Variants in OR51B5 observed in about 807,000 individuals in gnomAD.
OR51B5 encodes olfactory receptor 51B5.
For missense variants in OR51B5, 456 were observed against 374.6 expected, an observed-to-expected ratio of 1.22 and a Z score of -1.79; for synonymous variants, 186 against 144.8, an observed-to-expected ratio of 1.28 and a Z score of -2.04.
chr11:5,500,651 G>A (rs1431922402), intron 1 of OR51B5, among the ~76,000 whole-genome samples: 2 of 148,134 alleles, frequency 1.4e-5, no homozygotes, highest in East Asian at 2.0e-4. Context: ...CTTGCAAGTA[G>A]CTTTACTAAA....
chr11:5,387,225 A>C (rs571325864), intron 1 of OR51B5, among the ~76,000 whole-genome samples: 2 of 152,286 alleles, frequency 1.3e-5, no homozygotes, highest in African/African-American at 4.8e-5. Context: ...GGCATTAAGA[A>C]TTTCTAGAGA....
At chr11:5,438,702 C>T (rs1340076391) in intron 1 of OR51B5, among the ~76,000 whole-genome samples, 1 of 152,104 alleles carries the variant, frequency 6.6e-6, no homozygotes, top group African/African-American at 2.4e-5. Flanking sequence ...TAATACTAAA[C>T]AAAACATCCA....
Position 5,464,227 on chromosome 11 carries a change from G to C in OR51B5, n.84+41342C>G, listed in dbSNP as rs185082838. Among the ~76,000 whole-genome samples, 606 of 152,270 alleles carry C rather than the reference G, an allele frequency of 4.0e-3. 1 individual carries two copies. The highest frequency in any genetic ancestry group is 7.0e-3 in the Non-Finnish European group (474 of 68,010). ...CTATATTTGAAAAAGCAAATATATT[G>C]TGAACACAAAATGCATTGGGTGATT... On this transcript the variant is annotated intron_variant and non_coding_transcript_variant, in intron 1 of 4. Coordinates refer to the OR51B5 transcript ENST00000415970.
intron 1 of OR51B5, among the ~76,000 whole-genome samples, chr11:5,432,722 A>T (rs898415613): frequency 1.3e-5 from 2 of 152,204 alleles, no homozygotes; most frequent in African/African-American, 4.8e-5. Flanking sequence ...TTAGAGAGAC[A>T]CTAGGACCCA....
intron 1 of OR51B5, among the ~76,000 whole-genome samples, chr11:5,424,121 T>G (rs960648066): frequency 6.6e-6 from 1 of 152,206 alleles, no homozygotes; most frequent in African/African-American, 2.4e-5. Context: ...TCACAGCTTC[T>G]GATTGCTGGA....
chr11:5,475,214 T>C (rs984679582), intron 1 of OR51B5, among the ~76,000 whole-genome samples: 3 of 152,206 alleles, frequency 2.0e-5, no homozygotes, highest in African/African-American at 7.2e-5. Context: ...ACATCAATAT[T>C]AAGTCAACTT....
At chr11:5,402,492 T>C (rs1043826464) in intron 1 of OR51B5, 1 of 360,092 alleles carries the variant, frequency 2.8e-6, no homozygotes, top group African/African-American at 2.1e-5. Context: ...TGCTTTTTTC[T>C]TCCCTTCCCT....
intron 1 of OR51B5, among the ~76,000 whole-genome samples, chr11:5,500,337 G>A (rs191445052): frequency 1.3e-5 from 2 of 152,254 alleles, no homozygotes; most frequent in East Asian, 3.9e-4. Flanking sequence ...AAACTCCTCT[G>A]TTGCATGAGA....
At chr11:5,472,304 A>T (rs1851240585) in intron 1 of OR51B5, among the ~76,000 whole-genome samples, 1 of 152,074 alleles carries the variant, frequency 6.6e-6, no homozygotes, top group South Asian at 2.1e-4. Flanking sequence ...CCTGTACCCT[A>T]ATCACTAAAG....
intron 1 of OR51B5, among the ~76,000 whole-genome samples, chr11:5,378,114 T>TA (rs1849555404): frequency 6.6e-6 from 1 of 151,686 alleles, no homozygotes; most frequent in Non-Finnish European, 1.5e-5. Context: ...AAAACACAGA[T>TA]ATAGATCAAT....
chr11:5,351,566 A>G, intron 1 of OR51B5: 1 of 1,614,082 alleles, frequency 6.2e-7, no homozygotes. Context: ...GGCATGGAGA[A>G]GGCACATCAC....
At chr11:5,359,284 C>G (rs1015949076) in intron 1 of OR51B5, among the ~76,000 whole-genome samples, 1 of 149,158 alleles carries the variant, frequency 6.7e-6, no homozygotes, top group Non-Finnish European at 1.5e-5. Context: ...TGATAGGCAA[C>G]TTCAGCAAAG....
intron 1 of OR51B5, among the ~76,000 whole-genome samples, chr11:5,354,322 A>G (rs1589949386): frequency 6.6e-6 from 1 of 152,182 alleles, no homozygotes; most frequent in African/African-American, 2.4e-5. Context: ...TGATCCTGAA[A>G]CCTGCCATAG....
intron 1 of OR51B5, among the ~76,000 whole-genome samples, chr11:5,444,939 A>G (rs541974875): frequency 6.6e-6 from 1 of 152,288 alleles, no homozygotes; most frequent in Non-Finnish European, 1.5e-5. Context: ...AGAAACATAA[A>G]TAGCCATAGC....
At chr11:5,362,191 A>T (rs971894387) in intron 1 of OR51B5, among the ~76,000 whole-genome samples, 1 of 152,172 alleles carries the variant, frequency 6.6e-6, no homozygotes, top group Non-Finnish European at 1.5e-5. Context: ...TGAAGATCTC[A>T]ACCACACCCA....
chr11:5,402,879 A>G (rs1849993321), intron 1 of OR51B5: 1 of 471,296 alleles, frequency 2.1e-6, no homozygotes, highest in Non-Finnish European at 4.4e-6. Flanking sequence ...AAATACTGAA[A>G]TTAGTCTTGA....
intron 1 of OR51B5, chr11:5,441,410 G>A: frequency 6.2e-7 from 1 of 1,613,934 alleles, no homozygotes; most frequent in Non-Finnish European, 8.5e-7. Context: ...TCATGTAGAG[G>A]ATGCAGAAAA....
Position 5,342,680 on chromosome 11 carries a change from G to GGGAA in OR51B5, c.841_844dup (p.Pro282LeufsTer11). The GGGAA allele has an allele frequency of 1.2e-6, 2 of 1,613,954 alleles. No homozygotes were observed. The highest frequency in any genetic ancestry group is 1.7e-6 in the Non-Finnish European group (2 of 1,179,914). ...ATATGTTATAGGATTCATTAGTGGAGGGAACAGAAAATAGGCATAGCTCAT... is the reference window on the plus strand; with the variant it reads ...ATATGTTATAGGATTCATTAGTGGAGGGAAGGAACAGAAAATAGGCATAGCTCAT... On this transcript the variant is annotated frameshift_variant, in exon 1 of 1. Coordinates refer to ENST00000300773, the Ensembl canonical transcript of OR51B5. LOFTEE classifies it low-confidence loss of function (END_TRUNC).
At chr11:5,455,571 G>GAGGGAGAGAGAGAAAGAGAGAGGAA (rs1850941272) in intron 1 of OR51B5, 1 of 143,898 alleles carries the variant, frequency 6.9e-6, no homozygotes, top group African/African-American at 2.9e-5. Flanking sequence ...GGGGGAGAGA[G>GAGGGAGAGAGAGAAAGAGAGAGGAA]AGAGAGAAAG....
Sources: gnomAD v4.1 joint callset for allele counts (sites outside exome capture counted in the v4.1 genomes callset) on GRCh38, gnomAD v4.1.1 for gene constraint, MANE v1.5 for transcripts, NCBI Gene and HGNC (gene_info 2026-07-23, HGNC 2026-07-21) for gene names.